The following TMEM273 variants were observed in gnomAD, a reference collection of about 807,000 sequenced individuals.
TMEM273 encodes the protein chromosome 10 open reading frame 128.
Under a neutral mutation model 17.9 loss-of-function variants are expected in TMEM273, and 19 were observed. That is an observed-to-expected ratio of 1.06 (90% CI 0.74 to 1.55). The LOEUF is 1.55. Among genes scored for constraint, TMEM273 ranks in the 40% most tolerant of loss-of-function variants. The probability of loss-of-function intolerance (pLI) is 0.00; values close to 1 mark genes in which losing one functional copy is unlikely to be tolerated. For missense variants in TMEM273, 194 were observed against 155.6 expected, an observed-to-expected ratio of 1.25 and a Z score of -1.31; for synonymous variants, 66 against 62.0, an observed-to-expected ratio of 1.07 and a Z score of -0.31.
chr10:49,165,422 C>A, intron 4 of TMEM273, 139 bp from the exon 5 acceptor site: 1 of 1,502,910 alleles, frequency 6.7e-7, no homozygotes, highest in African/African-American at 1.4e-5. Flanking sequence ...TGGGACAAAC[C>A]ACGTGTGACC....
chr10:49,165,718 A>G, intron 4 of TMEM273, 48 bp downstream of exon 4: 1 of 1,610,570 alleles, frequency 6.2e-7, no homozygotes, highest in East Asian at 2.2e-5. Context: ...CGGTCAAGAC[A>G]GGAGAGAACA....
intron 5 of TMEM273, among the ~76,000 whole-genome samples, chr10:49,163,979 T>C (rs759289714): frequency 2.6e-5 from 4 of 152,112 alleles, no homozygotes; most frequent in Non-Finnish European, 5.9e-5. Flanking sequence ...GCTCCTTCAA[T>C]AGACACTACT....
chr10:49,158,998 A>C (rs912332496), intron 6 of TMEM273, among the ~76,000 whole-genome samples: 2 of 152,168 alleles, frequency 1.3e-5, no homozygotes, highest in Non-Finnish European at 2.9e-5. Context: ...ATTTTTGTAA[A>C]AGTATCACAG....
intron 5 of TMEM273, among the ~76,000 whole-genome samples, chr10:49,162,016 G>A (rs1050021676): frequency 2.0e-5 from 3 of 151,938 alleles, no homozygotes; most frequent in African/African-American, 4.8e-5. Flanking sequence ...CATGAACTTC[G>A]CTTTCAGAAA....
At chr10:49,184,447 C>A (rs1235255338) in intron 1 of TMEM273, among the ~76,000 whole-genome samples, 1 of 151,952 alleles carries the variant, frequency 6.6e-6, no homozygotes, top group Non-Finnish European at 1.5e-5. Context: ...CATAAAAGAC[C>A]AATAATCAAA....
At chr10:49,187,642 C>T (rs1847808643) in intron 1 of TMEM273, among the ~76,000 whole-genome samples, 1 of 152,170 alleles carries the variant, frequency 6.6e-6, no homozygotes, top group Admixed American at 6.5e-5. Flanking sequence ...CTCTCTCTCT[C>T]TTTGAGTTTC....
intron 5 of TMEM273, among the ~76,000 whole-genome samples, chr10:49,164,003 G>A (rs941703157): frequency 2.6e-5 from 4 of 152,082 alleles, no homozygotes; most frequent in Non-Finnish European, 5.9e-5. Context: ...AAGTTACCCA[G>A]TCCCTGGTCC....
chr10:49,165,864 C>T (rs1268094157), intron 3 of TMEM273, 68 bp from the exon 4 acceptor site: 2 of 1,592,310 alleles, frequency 1.3e-6, no homozygotes, highest in African/African-American at 1.3e-5. Flanking sequence ...TTCCCTAGAG[C>T]TTTCACCTCC....
intron 1 of TMEM273, among the ~76,000 whole-genome samples, chr10:49,178,612 T>G (rs936418279): frequency 7.2e-5 from 11 of 152,188 alleles, no homozygotes; most frequent in Admixed American, 7.2e-4. Context: ...ACTTTAGTAC[T>G]TGCTGGCAGC....
At position 49,155,280 on chromosome 10, in the gene TMEM273, A is replaced by G. The variant is rs1209984437; in HGVS notation, c.*612T>C. The G allele has an allele frequency of 6.5e-6, 1 of 153,104 alleles. No individual in the cohort carries two copies. Among genetic ancestry groups the G allele is most frequent in the Non-Finnish European group, 1.5e-5 (1 of 68,744 alleles). 9.5% of individuals were successfully genotyped at this position (153,104 alleles called of 1,614,324 possible). A position where few individuals can be genotyped will look rare whatever the true frequency, so the allele number is the denominator to read the frequency against. ...GGTCTGAGAGCAGCAGGCCCATTCCATGAACACCAAAGCCCTTCCTACCAC... is the reference window on the plus strand; with the variant it reads ...GGTCTGAGAGCAGCAGGCCCATTCCGTGAACACCAAAGCCCTTCCTACCAC... On this transcript the variant is annotated 3_prime_UTR_variant, in exon 7 of 7. Coordinates refer to ENST00000374153, the MANE Select transcript of TMEM273 (RefSeq NM_001288740.3).
At chr10:49,156,138 G>A (rs1845490673) in intron 6 of TMEM273, 1 of 1,532,874 alleles carries the variant, frequency 6.5e-7, no homozygotes, top group East Asian at 2.5e-5. Flanking sequence ...CAAACCCAAG[G>A]CAAACAAAAC....
At chr10:49,165,592 C>T (rs775968090) in intron 4 of TMEM273, among the ~76,000 whole-genome samples, 174 bp downstream of exon 4, 1 of 152,184 alleles carries the variant, frequency 6.6e-6, no homozygotes, top group Non-Finnish European at 1.5e-5. Flanking sequence ...GTGACACCTG[C>T]CCACTGGTCC....
At chr10:49,170,941 G>A (rs1275562647) in intron 1 of TMEM273, among the ~76,000 whole-genome samples, 1 of 152,254 alleles carries the variant, frequency 6.6e-6, no homozygotes, top group Non-Finnish European at 1.5e-5. Flanking sequence ...CAAAGTAGCT[G>A]GAGGATGGCT....
At chr10:49,165,896 A>T in intron 3 of TMEM273, 100 bp from the exon 4 acceptor site, 1 of 1,517,108 alleles carries the variant, frequency 6.6e-7, no homozygotes, top group South Asian at 1.2e-5. Context: ...CCTCTCACTC[A>T]CGGTTGCCCT....
Position 49,164,087 on chromosome 10 carries a change from C to G in TMEM273, c.348+1118G>C, listed in dbSNP as rs1019330480. Reference sequence around the variant, plus strand: ...CCACTAACCCTGTGTCAACCCAGACCTCTGTCCTAAATGCCAGCCACTTAC... The same window carrying G: ...CCACTAACCCTGTGTCAACCCAGACGTCTGTCCTAAATGCCAGCCACTTAC... On this transcript the variant is annotated intron_variant, in intron 5 of 6. Transcript: ENST00000374153. Among the ~76,000 whole-genome samples the G allele has an allele frequency of 3.3e-5, 5 of 152,288 alleles. No individual in the cohort carries two copies. The South Asian group carries it at 1.0e-3, about 32-fold the overall frequency.
Position 49,165,767 on chromosome 10 carries a change from T to TA in TMEM273, c.267_268insT (p.Arg90Ter). On this transcript the variant is annotated frameshift_variant and splice_region_variant, in exon 4 of 7. Transcript: ENST00000374153. LOFTEE classifies it high-confidence loss of function. ...TGACTGTGTGGGCAGTGACCTTACC[T>TA]TGGGGCTCTCTTCTTTAGCGGGATG... is the stretch of plus-strand genomic sequence containing the variant. 1 of 1,614,188 alleles carries TA rather than the reference T, an allele frequency of 6.2e-7. No homozygotes were observed. Among genetic ancestry groups the TA allele is most frequent in the Admixed American group, 1.7e-5 (1 of 60,028 alleles).
intron 1 of TMEM273, among the ~76,000 whole-genome samples, chr10:49,178,816 A>G (rs1847165006): frequency 6.6e-6 from 1 of 152,152 alleles, no homozygotes; most frequent in Non-Finnish European, 1.5e-5. Flanking sequence ...TCAGCTCCTC[A>G]GGTTGGAGCC....
intron 1 of TMEM273, among the ~76,000 whole-genome samples, chr10:49,186,240 T>C (rs1159366724): frequency 6.6e-6 from 1 of 152,212 alleles, no homozygotes; most frequent in African/African-American, 2.4e-5. Flanking sequence ...GGCATGTCTT[T>C]CAACTAAATA....
chr10:49,168,712 G>GGGAC (rs1846360138), intron 1 of TMEM273, among the ~76,000 whole-genome samples: 1 of 147,354 alleles, frequency 6.8e-6, no homozygotes, highest in Non-Finnish European at 1.5e-5. Context: ...GAGGGAGGGA[G>GGGAC]GGAGGGAGGG....
Sources: gnomAD v4.1 joint callset for allele counts (sites outside exome capture counted in the v4.1 genomes callset) on GRCh38, gnomAD v4.1.1 for gene constraint, MANE v1.5 for transcripts, NCBI Gene and HGNC (gene_info 2026-07-23, HGNC 2026-07-21) for gene names.